Variants in BBOF1 observed in about 807,000 individuals in gnomAD.
The protein encoded by BBOF1 is basal body orientation factor 1, also known as basal body-orientation factor 1.
Under a neutral mutation model 68.0 loss-of-function variants are expected in BBOF1, and 62 were observed. The observed-to-expected ratio is 0.91, with a 90% CI of 0.74 to 1.13. The LOEUF (loss-of-function observed/expected upper bound fraction) is 1.13. Ranked by LOEUF, BBOF1 falls within the 50% of genes most tolerant of loss-of-function variation. BBOF1 has a pLI of 0.00. For missense variants in BBOF1, 534 were observed against 600.1 expected, an observed-to-expected ratio of 0.89 and a Z score of 1.15; for synonymous variants, 208 against 198.8, an observed-to-expected ratio of 1.05 and a Z score of -0.39.
At chr14:74,060,781 C>T (rs750391204) in intron 11 of BBOF1, 12 of 1,460,158 alleles carry the variant, frequency 8.2e-6, no homozygotes, top group Non-Finnish European at 1.2e-5. Context: ...GCATATATTT[C>T]TGGGGTTTCA....
intron 4 of BBOF1, among the ~76,000 whole-genome samples, chr14:74,040,131 T>G (rs1397998101): frequency 6.6e-6 from 1 of 152,162 alleles, no homozygotes; most frequent in Non-Finnish European, 1.5e-5. Flanking sequence ...TAGCTGGAAC[T>G]ACAGGTGTGC....
At chr14:74,042,155 A>G (rs72725916) in intron 5 of BBOF1, among the ~76,000 whole-genome samples, 15,400 of 152,270 alleles carry the variant, frequency 0.1, 852 homozygotes, top group South Asian at 0.18. Flanking sequence ...GATCACAGGC[A>G]TGAGCTACCA....
chr14:74,027,643 A>G (rs1418392484), intron 2 of BBOF1, among the ~76,000 whole-genome samples: 2 of 152,140 alleles, frequency 1.3e-5, no homozygotes, highest in Non-Finnish European at 2.9e-5. Context: ...GTGGGCAGAC[A>G]CAACCTTAAC....
intron 2 of BBOF1, among the ~76,000 whole-genome samples, chr14:74,024,934 T>C (rs1037299404): frequency 6.6e-6 from 1 of 152,090 alleles, no homozygotes; most frequent in African/African-American, 2.4e-5. Context: ...TATTTTATTT[T>C]TTGTATTTTT....
chr14:74,025,900 C>CG (rs1232981305), intron 2 of BBOF1, among the ~76,000 whole-genome samples: 13 of 127,468 alleles, frequency 1.0e-4, no homozygotes, highest in East Asian at 8.5e-4. Flanking sequence ...GGCTGAGTGG[C>CG]GGGGTGGGGG....
At chr14:74,034,484 G>A (rs187271111) in intron 4 of BBOF1, among the ~76,000 whole-genome samples, 126 of 152,254 alleles carry the variant, frequency 8.3e-4, no homozygotes, top group Middle Eastern at 3.4e-3. Context: ...AAACCTCAGG[G>A]AAAAAGTAGC....
intron 4 of BBOF1, among the ~76,000 whole-genome samples, chr14:74,036,973 C>T (rs982133837): frequency 3.8e-3 from 397 of 103,726 alleles, no homozygotes; most frequent in Middle Eastern, 0.028. Context: ...TTTCTTTTTT[C>T]TTTTTTTTTT....
At chr14:74,053,164 G>C (rs2060107684) in intron 8 of BBOF1, among the ~76,000 whole-genome samples, 1 of 151,744 alleles carries the variant, frequency 6.6e-6, no homozygotes, top group East Asian at 1.9e-4. Flanking sequence ...CGCCAGGCTG[G>C]AGTGCAGTGG....
intron 4 of BBOF1, among the ~76,000 whole-genome samples, chr14:74,036,682 T>TC (rs1723102845): frequency 5.9e-5 from 1 of 17,032 alleles, no homozygotes; most frequent in African/African-American, 2.0e-4. Flanking sequence ...AGACTCTGTC[T>TC]CAAAAAAAAA....
chr14:74,042,715 C>T (rs2059849187), intron 5 of BBOF1, among the ~76,000 whole-genome samples: 1 of 152,086 alleles, frequency 6.6e-6, no homozygotes, highest in African/African-American at 2.4e-5. Flanking sequence ...GACTGAGGCT[C>T]AAGGATTGCT....
At chr14:74,079,256 C>A (rs1308483455) in intron 10 of BBOF1, among the ~76,000 whole-genome samples, 3 of 151,582 alleles carry the variant, frequency 2.0e-5, no homozygotes, top group African/African-American at 7.3e-5. Context: ...GTGGGAAGAT[C>A]ACTTGCGTTC....
At chr14:74,035,699 C>G (rs2059683811) in intron 4 of BBOF1, among the ~76,000 whole-genome samples, 1 of 143,446 alleles carries the variant, frequency 7.0e-6, no homozygotes, top group Non-Finnish European at 1.5e-5. Context: ...TCCCAAAGTG[C>G]TTGGATTATA....
chr14:74,057,989 T>C (rs2060256688), intron 11 of BBOF1: 1 of 806,176 alleles, frequency 1.2e-6, no homozygotes, highest in Non-Finnish European at 1.5e-6. Context: ...TAGACAATAA[T>C]GACCTTTTAT....
chr14:74,067,567 TC>T (rs1282411411), downstream of BBOF1: 1 of 1,613,564 alleles, frequency 6.2e-7, no homozygotes, highest in Non-Finnish European at 8.5e-7. Flanking sequence ...GGTTCTTGGC[TC>T]CCTAAAAAAA....
intron 11 of BBOF1, chr14:74,057,701 C>T: frequency 8.0e-7 from 1 of 1,255,284 alleles, no homozygotes. Flanking sequence ...ATTTGTTATT[C>T]ATAATTAGTA....
At chr14:74,080,524 C>T (rs1286458752) in intron 10 of BBOF1, among the ~76,000 whole-genome samples, 1 of 151,998 alleles carries the variant, frequency 6.6e-6, no homozygotes, top group Non-Finnish European at 1.5e-5. Flanking sequence ...CACACGACCT[C>T]GCTCTCAGGC....
At chr14:74,061,551 C>T (rs527350257) in intron 11 of BBOF1, among the ~76,000 whole-genome samples, 1 of 151,940 alleles carries the variant, frequency 6.6e-6, no homozygotes, top group East Asian at 2.0e-4. Context: ...GTCTTGAACC[C>T]CTGACCTCAG....
rs200204112 is a variant in BBOF1 at position 74,030,935 on chromosome 14, T to TAGAG, written c.351+1687_351+1688insGAGA. Among the ~76,000 whole-genome samples the TAGAG allele has an allele frequency of 5.8e-3, 854 of 146,780 alleles. 12 individuals are homozygous for TAGAG. The highest frequency in any genetic ancestry group is 0.038 in the South Asian group (167 of 4,418). ...AAAGTCATAAACATATATATATATA[T>TAGAG]ATATAGAGAGAGAGAGATTATATAT... On this transcript the variant is annotated intron_variant, in intron 3 of 11. Transcript: ENST00000394009.
chr14:74,067,234 A>C, downstream of BBOF1: 4 of 988,808 alleles, frequency 4.0e-6, no homozygotes, highest in Non-Finnish European at 6.2e-6. Context: ...TGCTAACAAG[A>C]TGACTCCAAA....
Sources: gnomAD v4.1 joint callset for allele counts (sites outside exome capture counted in the v4.1 genomes callset) on GRCh38, gnomAD v4.1.1 for gene constraint, MANE v1.5 for transcripts, NCBI Gene and HGNC (gene_info 2026-07-23, HGNC 2026-07-21) for gene names.